CCDC7: variants seen among roughly 807,000 people sequenced by gnomAD.
CCDC7 encodes coiled-coil domain containing 7, also known as coiled-coil domain-containing protein 7.
A neutral mutation model predicts 196.9 loss-of-function variants in CCDC7; 183 were observed. That is an observed-to-expected ratio of 0.93 (90% CI 0.82 to 1.05). CCDC7 has a LOEUF of 1.05. Ranked by LOEUF, CCDC7 falls within the 50% of genes least tolerant of loss-of-function variation. The probability of loss-of-function intolerance (pLI) is 0.00; values close to 1 mark genes in which losing one functional copy is unlikely to be tolerated. For synonymous variants in CCDC7, 525 were observed against 484.6 expected, an observed-to-expected ratio of 1.08 and a Z score of -1.10; for missense variants, 1,540 against 1,482.2, an observed-to-expected ratio of 1.04 and a Z score of -0.64.
At chr10:32,854,819 C>T (rs1353718807) in intron 41 of CCDC7, among the ~76,000 whole-genome samples, 1 of 152,124 alleles carries the variant, frequency 6.6e-6, no homozygotes, top group African/African-American at 2.4e-5. Flanking sequence ...TCAACGATTC[C>T]TCTACAGAAT....
At chr10:32,871,470 G>A (rs1222512460) in intron 41 of CCDC7, among the ~76,000 whole-genome samples, 7 of 150,964 alleles carry the variant, frequency 4.6e-5, no homozygotes, top group East Asian at 3.9e-4. Context: ...TTTTTATTGC[G>A]TCTATTTGAT....
chr10:32,585,329 TC>T (rs1008094426), intron 18 of CCDC7, among the ~76,000 whole-genome samples: 1 of 152,180 alleles, frequency 6.6e-6, no homozygotes, highest in Admixed American at 6.5e-5. Context: ...CGCCTTGGCC[TC>T]CCAAAGTGCT....
intron 7 of CCDC7, among the ~76,000 whole-genome samples, chr10:32,472,871 C>T (rs1283758655): frequency 6.6e-6 from 1 of 152,026 alleles, no homozygotes; most frequent in Non-Finnish European, 1.5e-5. Flanking sequence ...GTTGGGATTA[C>T]AGGCATGAGC....
intron 28 of CCDC7, among the ~76,000 whole-genome samples, chr10:32,759,510 A>G (rs2133796898): frequency 6.6e-6 from 1 of 152,300 alleles, no homozygotes; most frequent in East Asian, 1.9e-4. Flanking sequence ...TCCCTATTTA[A>G]TAAATGGTGC....
At chr10:32,799,327 TC>T (rs1472538583) in intron 29 of CCDC7, among the ~76,000 whole-genome samples, 1 of 152,112 alleles carries the variant, frequency 6.6e-6, no homozygotes, top group African/African-American at 2.4e-5. Flanking sequence ...CCAAACAGCA[TC>T]CCTATCTGCC....
chr10:32,756,558 A>T (rs2076482387), intron 28 of CCDC7, among the ~76,000 whole-genome samples: 1 of 152,202 alleles, frequency 6.6e-6, no homozygotes, highest in Non-Finnish European at 1.5e-5. Flanking sequence ...ATGCTGAGAG[A>T]TTTTGTCACC....
intron 28 of CCDC7, among the ~76,000 whole-genome samples, chr10:32,759,322 C>T (rs2077027235): frequency 1.3e-5 from 2 of 152,156 alleles, no homozygotes; most frequent in African/African-American, 2.4e-5. Context: ...CTGGAGGCAT[C>T]ACGCTACCTG....
chr10:32,529,745 T>G (rs1485707332), intron 11 of CCDC7, among the ~76,000 whole-genome samples: 1 of 152,244 alleles, frequency 6.6e-6, no homozygotes, highest in African/African-American at 2.4e-5. Context: ...GTTGATTGTT[T>G]CTTTTCCTGT....
At chr10:32,593,064 A>G (rs1436555958) in intron 18 of CCDC7, among the ~76,000 whole-genome samples, 1 of 152,234 alleles carries the variant, frequency 6.6e-6, no homozygotes, top group Admixed American at 6.5e-5. Flanking sequence ...GTATATACCC[A>G]GTAATGGGAT....
intron 22 of CCDC7, among the ~76,000 whole-genome samples, chr10:32,687,146 T>C (rs1459772663): frequency 1.3e-5 from 2 of 152,214 alleles, no homozygotes; most frequent in Non-Finnish European, 2.9e-5. Flanking sequence ...AAGCTTCCCA[T>C]AATCAATGGA....
chr10:32,622,575 A>G (rs2063531086), intron 18 of CCDC7, among the ~76,000 whole-genome samples: 1 of 152,058 alleles, frequency 6.6e-6, no homozygotes, highest in Non-Finnish European at 1.5e-5. Context: ...GATCTGTTTA[A>G]TCAGTGTTTC....
chr10:32,694,542 A>G (rs971657692), intron 23 of CCDC7, among the ~76,000 whole-genome samples: 1 of 152,132 alleles, frequency 6.6e-6, no homozygotes, highest in African/African-American at 2.4e-5. Flanking sequence ...AGTTTTGACT[A>G]TTTTGCAATT....
chr10:32,563,653 G>C (rs2056208243), intron 13 of CCDC7, among the ~76,000 whole-genome samples: 1 of 152,092 alleles, frequency 6.6e-6, no homozygotes, highest in African/African-American at 2.4e-5. Context: ...ATTAATTCAA[G>C]ATGGATTAAA....
At chr10:32,547,311 G>A (rs74820982) in intron 13 of CCDC7, among the ~76,000 whole-genome samples, 3,287 of 152,230 alleles carry the variant, frequency 0.022, 63 homozygotes, top group Non-Finnish European at 0.034. Flanking sequence ...ATAGGCATAA[G>A]CCACCATGCC....
intron 13 of CCDC7, among the ~76,000 whole-genome samples, chr10:32,557,263 C>T (rs1424300545): frequency 2.0e-5 from 3 of 147,504 alleles, no homozygotes; most frequent in Non-Finnish European, 4.5e-5. Context: ...TCTTTGGCCA[C>T]TTTTATTGCT....
At chr10:32,535,415 G>C (rs183526688) in intron 11 of CCDC7, among the ~76,000 whole-genome samples, 2 of 152,256 alleles carry the variant, frequency 1.3e-5, no homozygotes, top group Admixed American at 6.5e-5. Context: ...ATACATTTTA[G>C]GGAGACATAA....
At chr10:32,565,587 A>T (rs1386551507) in exon 14 of CCDC7, 11 of 1,609,832 alleles carry the variant, frequency 6.8e-6, no homozygotes, top group Non-Finnish European at 9.3e-6. Context: ...TTGAGAACAA[A>T]GTCCTTCAGG....
intron 5 of CCDC7, 77 bp from the exon 7 acceptor site, chr10:32,470,987 G>A (rs751252471): frequency 2.3e-6 from 3 of 1,320,540 alleles, no homozygotes; most frequent in Non-Finnish European, 3.0e-6. Flanking sequence ...ATTTAATAAA[G>A]GAGATAATGA....
At chr10:32,701,706 G>T (rs1239648799) in intron 24 of CCDC7, among the ~76,000 whole-genome samples, 4 of 152,152 alleles carry the variant, frequency 2.6e-5, no homozygotes, top group Non-Finnish European at 5.9e-5. Flanking sequence ...CCTGTTATTG[G>T]TCTATTCAGA....
Sources: gnomAD v4.1 joint callset for allele counts (sites outside exome capture counted in the v4.1 genomes callset) on GRCh38, gnomAD v4.1.1 for gene constraint, MANE v1.5 for transcripts, NCBI Gene and HGNC (gene_info 2026-07-23, HGNC 2026-07-21) for gene names.